GJC3: variants seen among roughly 807,000 people sequenced by gnomAD.
GJC3 encodes gap junction protein gamma 3, also known as gap junction gamma-3 protein.
Under a neutral mutation model 19.8 loss-of-function variants are expected in GJC3, and 17 were observed. The ratio of observed to expected loss-of-function variants is 0.86; its 90% confidence interval spans 0.59 to 1.29. The LOEUF (loss-of-function observed/expected upper bound fraction) is 1.29. Among genes scored for constraint, GJC3 ranks in the 50% most tolerant of loss-of-function variants. The pLI, the probability that GJC3 is intolerant of heterozygous loss-of-function variation, is 0.00. For synonymous variants in GJC3, 140 were observed against 136.5 expected (o/e 1.03, Z -0.18); for missense variants, 317 against 332.5 (o/e 0.95, Z 0.36).
Position 99,928,741 on chromosome 7 carries a change from T to C in GJC3, c.781+99A>G, listed in dbSNP as rs963016948. On this transcript the variant is annotated intron_variant, in intron 1 of 1. Transcript: ENST00000312891. Reference sequence around the variant, plus strand: ...GAACCTGGTTACCTACTTTGTAACATGCAGAAGTTGTACTTCCCAGAAAGG... The same window carrying C: ...GAACCTGGTTACCTACTTTGTAACACGCAGAAGTTGTACTTCCCAGAAAGG... 6 of 1,130,390 alleles carry C rather than the reference T, an allele frequency of 5.3e-6. No homozygotes were observed. In the South Asian group the frequency reaches 6.3e-5, roughly 12 times the overall value. The allele number at this position is 1,130,390 out of a possible 1,614,324, so 70.0% of individuals were successfully genotyped here.
intron 1 of GJC3, among the ~76,000 whole-genome samples, chr7:99,924,393 G>A (rs1276741380): frequency 6.6e-6 from 1 of 152,172 alleles, no homozygotes; most frequent in East Asian, 1.9e-4. Context: ...TTCGAGACCA[G>A]CTTGGCCGAC....
upstream of GJC3, among the ~76,000 whole-genome samples, chr7:99,930,250 C>T (rs1819877025): frequency 6.6e-6 from 1 of 152,170 alleles, no homozygotes; most frequent in African/African-American, 2.4e-5. Flanking sequence ...ACAGAGCAAG[C>T]ATCGAGGCTT....
At chr7:99,928,801 A>G (rs368390496) in intron 1 of GJC3, 39 bp downstream of exon 1, 2 of 1,599,764 alleles carry the variant, frequency 1.3e-6, no homozygotes, top group Non-Finnish European at 1.7e-6. Flanking sequence ...TCATCAGGAC[A>G]CAAACATCAG....
rs926811340 is a variant in GJC3, at chr7:99,927,101, A to T, written c.781+1739T>A. 3.3e-5 allele frequency among the ~76,000 whole-genome samples: 5 copies of T among 152,366 alleles called. No homozygotes were observed. The East Asian group carries it at 9.6e-4, about 29-fold the overall frequency. On this transcript the variant is annotated intron_variant, in intron 1 of 1. Transcript: ENST00000312891. The stretch of plus-strand genomic sequence containing the variant: ...GTTACGAAGTTGCAAAGGAAGACTC[A>T]TCTGCAAACAGCCTGATTTGTTGGG...
chr7:99,926,672 T>A (rs145128008), intron 1 of GJC3, among the ~76,000 whole-genome samples: 86 of 152,316 alleles, frequency 5.6e-4, no homozygotes, highest in African/African-American at 1.9e-3. Context: ...TGGGTGCTAA[T>A]AAGAGTTTGA....
At chr7:99,925,145 T>C (rs1172493901) in intron 1 of GJC3, among the ~76,000 whole-genome samples, 1 of 152,142 alleles carries the variant, frequency 6.6e-6, no homozygotes, top group Non-Finnish European at 1.5e-5. Context: ...AAATAACTAG[T>C]ATAATTGGAT....
intron 1 of GJC3, among the ~76,000 whole-genome samples, chr7:99,924,992 A>G (rs765473727): frequency 9.2e-5 from 14 of 152,154 alleles, no homozygotes; most frequent in Admixed American, 7.9e-4. Context: ...TTATCTGTAT[A>G]TCTTCTCTGA....
Position 99,929,242 on chromosome 7 carries a change from C to A in GJC3, c.379G>T (p.Gly127Trp). 1 of 1,614,218 alleles carries A rather than the reference C, an allele frequency of 6.2e-7. No homozygotes were observed. Among genetic ancestry groups the A allele is most frequent in the South Asian group, 1.1e-5 (1 of 91,080 alleles). ...CAGAGCAGCCTGAGGCTTCCAGCCC[C>A]TGGGACATCTGTGTTGCCCTCCCGT... ...QGREGNTDVP[G>W]AGSLRLLWAY... Residue 127 changes from glycine to tryptophan, a missense_variant, in exon 1 of 2, where the codon GGG becomes TGG. By Grantham distance (184) the Gly-to-Trp change is radical. Transcript: ENST00000312891.
At position 99,928,584 on chromosome 7, in the gene GJC3, C is replaced by T. The variant is rs898598972; in HGVS notation, c.781+256G>A. Reference sequence around the variant, plus strand: ...CTAAATGGAAGTTCAGGAGGGACAACGGACTAGCACTCTTGTCCTTGTTCG... The same window carrying T: ...CTAAATGGAAGTTCAGGAGGGACAATGGACTAGCACTCTTGTCCTTGTTCG... On this transcript the variant is annotated intron_variant, in intron 1 of 1. Coordinates refer to ENST00000312891, the MANE Select transcript of GJC3 (RefSeq NM_181538.3). Among the ~76,000 whole-genome samples the T allele has an allele frequency of 4.0e-4, 61 of 152,200 alleles. 2 individuals carry two copies. Among genetic ancestry groups the T allele is most frequent in the East Asian group, 3.8e-4 (2 of 5,200 alleles).
intron 1 of GJC3, among the ~76,000 whole-genome samples, chr7:99,925,891 C>G (rs1217404214): frequency 6.6e-6 from 1 of 152,246 alleles, no homozygotes; most frequent in Non-Finnish European, 1.5e-5. Context: ...AGTATTCCCA[C>G]ATTGCTGGTA....
intron 1 of GJC3, among the ~76,000 whole-genome samples, 167 bp downstream of exon 1, chr7:99,928,673 C>A (rs1471928628): frequency 6.6e-6 from 1 of 152,154 alleles, no homozygotes; most frequent in African/African-American, 2.4e-5. Context: ...CAAGAGAGAA[C>A]AAAGAAAAGG....
rs545339356 is a variant in GJC3 at position 99,928,179 on chromosome 7, G to T, written c.781+661C>A. ...GAAAAGAGGTAAATGAAGCCAGTGAGACAGGAAGGGGCATTATCTTCAGCA... is the reference window on the plus strand; with the variant it reads ...GAAAAGAGGTAAATGAAGCCAGTGATACAGGAAGGGGCATTATCTTCAGCA... On this transcript the variant is annotated intron_variant, in intron 1 of 1. Coordinates refer to ENST00000312891, the MANE Select transcript of GJC3 (RefSeq NM_181538.3). Among the ~76,000 whole-genome samples the T allele has an allele frequency of 3.9e-5, 6 of 152,356 alleles. No individual in the cohort carries two copies. The East Asian group carries it at 1.2e-3, about 29-fold the overall frequency.
chr7:99,929,637 G>A, upstream of GJC3: 2 of 1,591,620 alleles, frequency 1.3e-6, no homozygotes, highest in South Asian at 2.2e-5. Flanking sequence ...TTGGAGCAGA[G>A]GACAAGAGAT....
rs1819858404 is a variant in GJC3 at position 99,929,280 on chromosome 7, G to T, written c.341C>A (p.Thr114Asn). The T allele has an allele frequency of 2.5e-6, 4 of 1,614,144 alleles. No individual in the cohort carries two copies. The highest frequency in any genetic ancestry group is 2.2e-5 in the South Asian group (2 of 91,080). ...GTTGCCCTCCCGTCCCTGGATCAGG[G>T]TCTCCTCCTCCTTCCCCTTTCCTGA... ...ELSGKGKEEE[T>N]LIQGREGNTD... Residue 114 changes from threonine to asparagine, a missense_variant, in exon 1 of 2, where the codon ACC (threonine) becomes AAC (asparagine). Transcript: ENST00000312891.
At chr7:99,924,417 G>A (rs1047805518) in intron 1 of GJC3, among the ~76,000 whole-genome samples, 2 of 152,094 alleles carry the variant, frequency 1.3e-5, no homozygotes, top group South Asian at 2.1e-4. Context: ...GTGAAACCCC[G>A]TCTCTGCTAA....
intron 1 of GJC3, 112 bp downstream of exon 1, chr7:99,928,728 C>G: frequency 1.0e-6 from 1 of 998,562 alleles, no homozygotes; most frequent in Non-Finnish European, 1.6e-6. Flanking sequence ...ACCTGGTTAC[C>G]TACTTTGTAA....
Position 99,928,980 on chromosome 7 carries a change from C to A in GJC3, c.641G>T (p.Gly214Val), listed in dbSNP as rs767367390. 3 of 1,614,172 alleles carry A rather than the reference C, an allele frequency of 1.9e-6. No individual in the cohort carries two copies. The highest frequency in any genetic ancestry group is 1.6e-4 in the Middle Eastern group (1 of 6,062). Reference protein sequence around the residue: ...LFTFLELVLLGLGRWWRTWKH... With the variant: ...LFTFLELVLLVLGRWWRTWKH... ...CCAGGTCCTCCACCATCTCCCCAAA[C>A]CCAGAAGCACAAGCTCCAAAAAAGT... The change falls in exon 1 of 2, where the codon GGT becomes GTT. Residue 214 changes from glycine to valine, a missense_variant. Gly to Val is a moderately radical substitution (Grantham distance 109). Coordinates refer to ENST00000312891, the MANE Select transcript of GJC3 (RefSeq NM_181538.3).
chr7:99,928,420 C>A (rs926836776), intron 1 of GJC3, among the ~76,000 whole-genome samples: 4 of 152,238 alleles, frequency 2.6e-5, no homozygotes, highest in Non-Finnish European at 4.4e-5. Flanking sequence ...TAATTTGTCA[C>A]AGACATGAAT....
intron 1 of GJC3, among the ~76,000 whole-genome samples, chr7:99,924,198 A>T (rs971788368): frequency 1.3e-5 from 2 of 152,210 alleles, no homozygotes; most frequent in African/African-American, 4.8e-5. Context: ...CACCCGGCTG[A>T]GGTAGTATTT....
Sources: gnomAD v4.1 joint callset for allele counts (sites outside exome capture counted in the v4.1 genomes callset) on GRCh38, gnomAD v4.1.1 for gene constraint, MANE v1.5 for transcripts, NCBI Gene and HGNC (gene_info 2026-07-23, HGNC 2026-07-21) for gene names.